The following RYR2 variants were observed in gnomAD, a reference collection of about 807,000 sequenced individuals.
RYR2 encodes the protein cardiac muscle ryanodine receptor-calcium release channel.
A neutral mutation model predicts 601.1 loss-of-function variants in RYR2; 227 were observed. The observed-to-expected ratio is 0.38, with a 90% CI of 0.34 to 0.42. The LOEUF is 0.42. Ranked by LOEUF, RYR2 falls within the 10% of genes least tolerant of loss-of-function variation. The probability of loss-of-function intolerance (pLI) is 1.00; values close to 1 mark genes in which losing one functional copy is unlikely to be tolerated. For missense variants in RYR2, 4,646 were observed against 6,156.5 expected (o/e 0.75, Z 8.21); for synonymous variants, 2,223 against 2,175.1 (o/e 1.02, Z -0.61).
At chr1:237,050,337 C>T (rs1558143676) in intron 1 of RYR2, among the ~76,000 whole-genome samples, 1 of 152,126 alleles carries the variant, frequency 6.6e-6, no homozygotes, top group Non-Finnish European at 1.5e-5. Context: ...GCTGGCAGGG[C>T]CTTCCTGAGT....
chr1:237,765,299 A>G (rs1286654256), intron 84 of RYR2, among the ~76,000 whole-genome samples: 3 of 146,394 alleles, frequency 2.0e-5, no homozygotes, highest in Admixed American at 2.0e-4. Flanking sequence ...TCTTCTTGGA[A>G]TATAGCAGAA....
intron 1 of RYR2, among the ~76,000 whole-genome samples, chr1:237,165,853 T>C (rs1015561285): frequency 1.3e-5 from 2 of 151,804 alleles, no homozygotes; most frequent in Non-Finnish European, 1.5e-5. Flanking sequence ...TAAAAAAAAA[T>C]TAGCCAGGCC....
chr1:237,276,933 A>T (rs1690349385), intron 2 of RYR2, among the ~76,000 whole-genome samples: 2 of 152,208 alleles, frequency 1.3e-5, no homozygotes, highest in South Asian at 4.1e-4. Flanking sequence ...TTGTCAAGTA[A>T]ATGTAATTTA....
Position 237,160,629 on chromosome 1 carries a change from G to A in RYR2, c.49-109868G>A, listed in dbSNP as rs114709370. Among the ~76,000 whole-genome samples the A allele has an allele frequency of 6.1e-3, 930 of 151,964 alleles. 7 individuals are homozygous for A. Among genetic ancestry groups the A allele is most frequent in the South Asian group, 0.033 (158 of 4,812 alleles). Reference sequence around the variant, plus strand: ...AGTGTATATTCATCCTGCTAATTGAGTTGTCCATTTTACTAATGTCTTCTG... The same window carrying A: ...AGTGTATATTCATCCTGCTAATTGAATTGTCCATTTTACTAATGTCTTCTG... On this transcript the variant is annotated intron_variant, in intron 1 of 104. Transcript: ENST00000366574.
In RYR2 at chr1:237,809,045, T is replaced by A. The variant is rs1174588915; in HGVS notation, c.14433+10T>A. 2.5e-6 allele frequency: 4 copies of A among 1,610,764 alleles called. No homozygotes were observed. Among genetic ancestry groups the A allele is most frequent in the Admixed American group, 1.7e-5 (1 of 59,890 alleles). On this transcript the variant is annotated intron_variant, in intron 100 of 104. Coordinates refer to ENST00000366574, the MANE Select transcript of RYR2 (RefSeq NM_001035.3). Reference sequence around the variant, plus strand: ...TGACGATATGCTAACAGTAAGTTCATAACCTTTGATCTCACATAAACAAAA... The same window carrying A: ...TGACGATATGCTAACAGTAAGTTCAAAACCTTTGATCTCACATAAACAAAA...
intron 71 of RYR2, among the ~76,000 whole-genome samples, chr1:237,714,352 C>T (rs570645810): frequency 3.3e-5 from 5 of 152,082 alleles, no homozygotes; most frequent in South Asian, 4.2e-4. Flanking sequence ...AGAAAACGTA[C>T]GAGAGAAAGA....
rs920726323 is a variant in RYR2 at position 237,368,916 on chromosome 1, C to G, written c.310-618C>G. ...TCAGCTCACTGCAACCTCCACCTCC[C>G]GGGTTCAAGCAGTTATCCTGCCTCA... On this transcript the variant is annotated intron_variant, in intron 5 of 104. Coordinates refer to ENST00000366574, the MANE Select transcript of RYR2 (RefSeq NM_001035.3). Among the ~76,000 whole-genome samples the G allele has an allele frequency of 3.9e-5, 6 of 152,068 alleles. No individual in the cohort carries two copies. The East Asian group carries it at 9.7e-4, about 25-fold the overall frequency.
Position 237,115,243 on chromosome 1 carries a change from C to G in RYR2, c.48+72674C>G, listed in dbSNP as rs1028538704. Among the ~76,000 whole-genome samples the G allele has an allele frequency of 6.6e-5, 10 of 152,290 alleles. No individual in the cohort carries two copies. The South Asian group carries it at 1.0e-3, about 16-fold the overall frequency. On this transcript the variant is annotated intron_variant, in intron 1 of 104. Transcript: ENST00000366574. ...CGCCTTCGTGGAAACCACACCCCCC[C>G]CCTTGCTCTGGGCCAGTTGGCAGCC... is the stretch of plus-strand genomic sequence containing the variant.
intron 12 of RYR2, among the ~76,000 whole-genome samples, chr1:237,436,200 C>T (rs1242569825): frequency 6.6e-6 from 1 of 152,054 alleles, no homozygotes; most frequent in Non-Finnish European, 1.5e-5. Context: ...TGACCTTTGC[C>T]ATCTAAGGTA....
intron 10 of RYR2, among the ~76,000 whole-genome samples, chr1:237,400,484 A>C (rs1703255357): frequency 6.6e-6 from 1 of 152,184 alleles, no homozygotes; most frequent in Non-Finnish European, 1.5e-5. Flanking sequence ...GACCCTGAAT[A>C]TAGGAGATCT....
At chr1:237,493,291 C>T (rs534310502) in intron 19 of RYR2, among the ~76,000 whole-genome samples, 60 of 152,032 alleles carry the variant, frequency 3.9e-4, no homozygotes, top group Middle Eastern at 3.4e-3. Flanking sequence ...ATGGATTTGC[C>T]GCAAACACAT....
At chr1:237,629,082 A>G (rs1344499720) in intron 41 of RYR2, among the ~76,000 whole-genome samples, 1 of 152,210 alleles carries the variant, frequency 6.6e-6, no homozygotes, top group Non-Finnish European at 1.5e-5. Flanking sequence ...TATATACATT[A>G]GGGAGAAGAA....
chr1:237,050,550 AT>A (rs539078725), intron 1 of RYR2, among the ~76,000 whole-genome samples: 1 of 152,152 alleles, frequency 6.6e-6, no homozygotes, highest in Non-Finnish European at 1.5e-5. Context: ...CATTTTTGGT[AT>A]TTTAAGAGTT....
At chr1:237,728,607 A>G (rs1031512799) in intron 76 of RYR2, among the ~76,000 whole-genome samples, 2 of 152,178 alleles carry the variant, frequency 1.3e-5, no homozygotes, top group African/African-American at 4.8e-5. Flanking sequence ...GCAGCCATAA[A>G]AAAAGAATGA....
At chr1:237,821,557 A>C (rs1662499078) in intron 101 of RYR2, among the ~76,000 whole-genome samples, 1 of 152,160 alleles carries the variant, frequency 6.6e-6, no homozygotes, top group South Asian at 2.1e-4. Flanking sequence ...TAAATCCATG[A>C]AGATGGGGAG....
At chr1:237,570,145 G>A (rs1280654579) in intron 29 of RYR2, among the ~76,000 whole-genome samples, 1 of 150,880 alleles carries the variant, frequency 6.6e-6, no homozygotes, top group African/African-American at 2.4e-5. Flanking sequence ...TCGAACCCAG[G>A]AGGCAGAGGT....
At chr1:237,515,991 C>T (rs77066700) in intron 24 of RYR2, among the ~76,000 whole-genome samples, 5,933 of 150,440 alleles carry the variant, frequency 0.039, 168 homozygotes, top group Middle Eastern at 0.13. Context: ...CCTCCCTCTT[C>T]TTTTTTCTCT....
chr1:237,626,093 A>G (rs1679617252), intron 40 of RYR2, among the ~76,000 whole-genome samples: 1 of 152,238 alleles, frequency 6.6e-6, no homozygotes, highest in Admixed American at 6.5e-5. Flanking sequence ...AAAAGGAAGT[A>G]TAGTAATTTA....
At chr1:237,100,942 T>C (rs1668019349) in intron 1 of RYR2, among the ~76,000 whole-genome samples, 1 of 152,198 alleles carries the variant, frequency 6.6e-6, no homozygotes, top group Non-Finnish European at 1.5e-5. Flanking sequence ...CTCTCTGTCC[T>C]GCTTGGTTTG....
Sources: allele counts gnomAD v4.1 joint callset (sites outside exome capture counted in the v4.1 genomes callset), GRCh38; gene constraint gnomAD v4.1.1; transcripts MANE v1.5; gene names NCBI Gene and HGNC (gene_info 2026-07-23, HGNC 2026-07-21).